Variants in BCL11B observed in about 807,000 individuals in gnomAD.
BCL11B encodes the protein BCL11 transcription factor B.
Under a neutral mutation model 49.9 loss-of-function variants are expected in BCL11B, and 8 were observed. The ratio of observed to expected loss-of-function variants is 0.16; its 90% CI spans 0.09 to 0.29. The LOEUF (loss-of-function observed/expected upper bound fraction) is 0.29. Ranked by LOEUF, BCL11B falls within the 10% of genes least tolerant of loss-of-function variation. The pLI, the probability that BCL11B is intolerant of heterozygous loss-of-function variation, is 1.00. For missense variants in BCL11B, 1,006 were observed against 1,351.0 expected (o/e 0.74, Z 4.00); for synonymous variants, 739 against 637.4 (o/e 1.16, Z -2.40).
In BCL11B at chr14:99,172,291, A is replaced by C. The variant is rs990018891; in HGVS notation, c.*1860T>G. On this transcript the variant is annotated 3_prime_UTR_variant, in exon 4 of 4. Coordinates refer to ENST00000357195, the MANE Select transcript of BCL11B (RefSeq NM_138576.4). The stretch of plus-strand genomic sequence containing the variant: ...ATCTAAGCAGCGTTGTCCCAAAAAC[A>C]AAAGGGGCTGAGGATAATTCAGCTA... The C allele has an allele frequency of 4.4e-6, 1 of 226,452 alleles. No individual in the cohort carries two copies. Among genetic ancestry groups the C allele is most frequent in the African/African-American group, 2.2e-5 (1 of 44,944 alleles). 14.0% of individuals were successfully genotyped at this position (226,452 alleles called of 1,614,324 possible).
chr14:99,207,552 C>T (rs1475605555), intron 3 of BCL11B, among the ~76,000 whole-genome samples: 1 of 152,246 alleles, frequency 6.6e-6, no homozygotes, highest in African/African-American at 2.4e-5. Context: ...CATTGACCTC[C>T]TGTGCACCCT....
In BCL11B at chr14:99,176,203, AAC is replaced by A. The variant is rs781609940; in HGVS notation, c.641-10_641-9del. Reference sequence around the variant, plus strand: ...TGGAAGGCTCATCTTTACCTGGGGAAACACACGGACAGAAAGGCAGAGACAGC... The same window carrying A: ...TGGAAGGCTCATCTTTACCTGGGGAAACACGGACAGAAAGGCAGAGACAGC... On this transcript the variant is annotated splice_polypyrimidine_tract_variant and intron_variant, in intron 3 of 3. Coordinates refer to ENST00000357195, the MANE Select transcript of BCL11B (RefSeq NM_138576.4). The A allele has an allele frequency of 3.7e-6, 6 of 1,609,120 alleles. No individual in the cohort carries two copies. The highest frequency in any genetic ancestry group is 2.7e-5 in the African/African-American group (2 of 74,534).
chr14:99,188,620 C>G (rs1886929483), intron 3 of BCL11B, among the ~76,000 whole-genome samples: 1 of 152,086 alleles, frequency 6.6e-6, no homozygotes, highest in Admixed American at 6.5e-5. Flanking sequence ...CCTCTGTCCC[C>G]AGCAGGTCAG....
rs1333805011 is a variant in BCL11B, at chr14:99,248,266, G to A, written c.427+9205C>T. Among the ~76,000 whole-genome samples the A allele has an allele frequency of 6.6e-6, 1 of 152,088 alleles. No homozygotes were observed. Among genetic ancestry groups the A allele is most frequent in the Non-Finnish European group, 1.5e-5 (1 of 68,026 alleles). The stretch of plus-strand genomic sequence containing the variant: ...CAGCGGACCAGCAAGAAGGCGTCAA[G>A]AAAACTCAAAAACAAAATAAAATGA... On this transcript the variant is annotated intron_variant, in intron 2 of 3. Transcript: ENST00000357195. This position sits in a 1 kb window ranked among gnomAD's most constrained non-coding sequence, Gnocchi z 4.7.
At chr14:99,219,322 C>A (rs1319545123) in intron 3 of BCL11B, among the ~76,000 whole-genome samples, 4 of 152,194 alleles carry the variant, frequency 2.6e-5, no homozygotes, top group African/African-American at 7.2e-5. Context: ...GCGTGAGCCA[C>A]CGCACCCGAC....
At chr14:99,234,833 G>A (rs561425945) in intron 2 of BCL11B, among the ~76,000 whole-genome samples, 4 of 126,308 alleles carry the variant, frequency 3.2e-5, no homozygotes, top group African/African-American at 1.3e-4. Context: ...CCAAAAAAAC[G>A]CTGGCTTTGG....
At chr14:99,218,918 A>G (rs1468958195) in intron 3 of BCL11B, among the ~76,000 whole-genome samples, 1 of 152,234 alleles carries the variant, frequency 6.6e-6, no homozygotes, top group Non-Finnish European at 1.5e-5. Context: ...AGTCAAACCC[A>G]GAGGAGAAAG....
At position 99,269,171 on chromosome 14, in the gene BCL11B, C is replaced by A. The variant is rs547715098; in HGVS notation, c.58+1990G>T. On this transcript the variant is annotated intron_variant, in intron 1 of 3. Transcript: ENST00000357195. ...CCCTTCCCCGACCCCCCCAATTCCC[C>A]CTCCTCAAAAACAACCCTTGCAATT... is the stretch of plus-strand genomic sequence containing the variant. Among the ~76,000 whole-genome samples, 196 of 151,294 alleles carry A rather than the reference C, an allele frequency of 1.3e-3. 1 individual carries two copies. Among genetic ancestry groups the A allele is most frequent in the Non-Finnish European group, 2.2e-3 (146 of 67,760 alleles).
chr14:99,233,595 G>C (rs1888399696), intron 2 of BCL11B, among the ~76,000 whole-genome samples: 1 of 152,200 alleles, frequency 6.6e-6, no homozygotes, highest in African/African-American at 2.4e-5. Flanking sequence ...GCAGCTCGAG[G>C]CCTGGTAAGG....
chr14:99,257,860 G>T lies in BCL11B; in HGVS notation c.59-21C>A. The T allele has an allele frequency of 6.7e-7, 1 of 1,502,808 alleles. No homozygotes were observed. 93.1% of individuals were successfully genotyped at this position (1,502,808 alleles called of 1,614,324 possible). A position where few individuals can be genotyped will look rare whatever the true frequency, so the allele number is the denominator to read the frequency against. On this transcript the variant is annotated intron_variant, in intron 1 of 3. Coordinates refer to ENST00000357195, the MANE Select transcript of BCL11B (RefSeq NM_138576.4). The surrounding 1 kb of genome is among the most constrained non-coding windows in gnomAD (Gnocchi z 6.2). The stretch of plus-strand genomic sequence containing the variant: ...CTCTGCTGGAGACAGAAAGAAGAAA[G>T]GGAAGGGGCAGAGAAGATAGAGATG...
chr14:99,177,059 A>G lies in BCL11B; in HGVS notation c.641-864T>C, dbSNP rs942070328. Among the ~76,000 whole-genome samples the G allele has an allele frequency of 9.2e-5, 14 of 152,178 alleles. No homozygotes were observed. The East Asian group carries it at 2.7e-3, about 29-fold the overall frequency. ...TGAATATGGATTCCTAGGAACAGAA[A>G]AAATTTAACATGCTGTGAAGACCGG... On this transcript the variant is annotated intron_variant, in intron 3 of 3. Coordinates refer to ENST00000357195, the MANE Select transcript of BCL11B (RefSeq NM_138576.4).
In BCL11B at chr14:99,231,472, C is replaced by G. The variant is rs1888333789; in HGVS notation, c.513G>C (p.Leu171=). The G allele has an allele frequency of 6.2e-7, 1 of 1,600,116 alleles. No individual in the cohort carries two copies. Among genetic ancestry groups the G allele is most frequent in the Non-Finnish European group, 8.5e-7 (1 of 1,173,780 alleles). ...AGGGCGGGAGAGCGCCCAGGGCACGCAGAGGTGAAGTGATCACGGATGAGT... is the reference window on the plus strand; with the variant it reads ...AGGGCGGGAGAGCGCCCAGGGCACGGAGAGGTGAAGTGATCACGGATGAGT... The part of the protein sequence containing the change: ...HPHSSVITSP[L]RALGALPPCL... Residue 171 remains leucine, a synonymous_variant, in exon 3 of 4, where the codon CTG becomes CTC. Coordinates refer to ENST00000357195, the MANE Select transcript of BCL11B (RefSeq NM_138576.4). The surrounding 1 kb of genome is among the most constrained non-coding windows in gnomAD (Gnocchi z 8.1).
intron 1 of BCL11B, among the ~76,000 whole-genome samples, chr14:99,270,126 G>C (rs1889619042): frequency 6.6e-6 from 1 of 151,882 alleles, no homozygotes; most frequent in Non-Finnish European, 1.5e-5. Flanking sequence ...CAACAGGGAC[G>C]GTGGAAGCTG....
rs781050663 is a variant in BCL11B, at chr14:99,174,490, C to A, written c.2346G>T (p.Pro782=). The A allele has an allele frequency of 1.3e-6, 2 of 1,553,590 alleles. No homozygotes were observed. The highest frequency in any genetic ancestry group is 2.4e-5 in the South Asian group (2 of 84,994). ...CCTTGGAGCTGGGCCGCCCGGGGCC[C>A]GGGCCGCCCAGGTGCGGGGTGCTGC... ...SGGSTPHLGG[P]GPGRPSSKEG... The change falls in exon 4 of 4, where the codon CCG becomes CCT. Residue 782 remains proline (P), a synonymous_variant. Coordinates refer to ENST00000357195, the MANE Select transcript of BCL11B (RefSeq NM_138576.4).
intron 1 of BCL11B, among the ~76,000 whole-genome samples, chr14:99,267,225 A>T (rs1464113722): frequency 6.6e-6 from 1 of 152,148 alleles, no homozygotes; most frequent in Non-Finnish European, 1.5e-5. Flanking sequence ...AAGGCCAGAC[A>T]AAAAATCGCC....
At chr14:99,186,008 G>A (rs909866803) in intron 3 of BCL11B, among the ~76,000 whole-genome samples, 4 of 152,222 alleles carry the variant, frequency 2.6e-5, no homozygotes, top group African/African-American at 9.6e-5. Context: ...TATGCCAAGA[G>A]GAGGGACACA....
Position 99,232,610 on chromosome 14 carries a change from G to T in BCL11B, c.428-1053C>A, listed in dbSNP as rs899341945. Among the ~76,000 whole-genome samples, 4 of 152,172 alleles carry T rather than the reference G, an allele frequency of 2.6e-5. No homozygotes were observed. The highest frequency in any genetic ancestry group is 5.9e-5 in the Non-Finnish European group (4 of 68,028). Reference sequence around the variant, plus strand: ...GGGCCCCCACGTGGATTCCCCCATCGCAAGGAGAGCCACAGGACCCTGCAA... The same window carrying T: ...GGGCCCCCACGTGGATTCCCCCATCTCAAGGAGAGCCACAGGACCCTGCAA... On this transcript the variant is annotated intron_variant, in intron 2 of 3. Transcript: ENST00000357195. The surrounding 1 kb of genome is among the most constrained non-coding windows in gnomAD (Gnocchi z 5.1).
Position 99,175,234 on chromosome 14 carries a change from GTCC to G in BCL11B, c.1599_1601del (p.Glu533del), listed in dbSNP as rs763457517. On this transcript the variant is annotated inframe_deletion, in exon 4 of 4. Coordinates refer to ENST00000357195, the MANE Select transcript of BCL11B (RefSeq NM_138576.4). ...CCTCCTCCTCCTCCTCCTCCTCCTC[GTCC>G]TCCTCCTCCGGCTCGTGGCCCAGCG... 5 of 1,546,936 alleles carry G rather than the reference GTCC, an allele frequency of 3.2e-6. No individual in the cohort carries two copies. The highest frequency in any genetic ancestry group is 2.6e-6 in the Non-Finnish European group (3 of 1,149,244).
At chr14:99,266,207 T>C (rs1230380902) in intron 1 of BCL11B, among the ~76,000 whole-genome samples, 3 of 152,210 alleles carry the variant, frequency 2.0e-5, no homozygotes, top group Non-Finnish European at 4.4e-5. Context: ...ATAAATGGAA[T>C]TGAGAATCCA....
Sources: gnomAD v4.1 joint callset for allele counts (sites outside exome capture counted in the v4.1 genomes callset) on GRCh38, gnomAD v4.1.1 for gene constraint, Gnocchi (gnomAD v3.1) non-coding constraint, MANE v1.5 for transcripts, NCBI Gene and HGNC (gene_info 2026-07-23, HGNC 2026-07-21) for gene names.